The following DDX50 variants were observed in gnomAD, a reference collection of about 807,000 sequenced individuals.
DDX50 encodes DExD-box helicase 50, also known as ATP-dependent RNA helicase DDX50.
A neutral mutation model predicts 94.8 loss-of-function variants in DDX50; 56 were observed. The observed-to-expected ratio is 0.59, with a 90% confidence interval of 0.48 to 0.74. The LOEUF (loss-of-function observed/expected upper bound fraction) is 0.74. Ranked by LOEUF, DDX50 falls within the 30% of genes least tolerant of loss-of-function variation. The pLI, the probability that DDX50 is intolerant of heterozygous loss-of-function variation, is 0.00. For missense variants in DDX50, 713 were observed against 881.2 expected (o/e 0.81, Z 2.42); for synonymous variants, 264 against 295.4 (o/e 0.89, Z 1.09).
intron 2 of DDX50, among the ~76,000 whole-genome samples, chr10:68,907,572 T>C (rs1841497342): frequency 6.6e-6 from 1 of 152,014 alleles, no homozygotes; most frequent in Admixed American, 6.6e-5. Context: ...CTGTCTCGGC[T>C]TCCCAAATTG....
chr10:68,916,733 C>T (rs1413802272), intron 7 of DDX50, among the ~76,000 whole-genome samples: 3 of 152,156 alleles, frequency 2.0e-5, no homozygotes, highest in Non-Finnish European at 4.4e-5. Flanking sequence ...GCCTAGTCTG[C>T]AGTGCAATGG....
chr10:68,925,109 T>G (rs1470590432), intron 8 of DDX50, among the ~76,000 whole-genome samples: 2 of 145,896 alleles, frequency 1.4e-5, no homozygotes, highest in African/African-American at 2.6e-5. Context: ...TTTTTTTTTT[T>G]TTTTTTTTTT....
chr10:68,924,554 TG>T, intron 8 of DDX50, among the ~76,000 whole-genome samples: 1 of 152,316 alleles, frequency 6.6e-6, no homozygotes, highest in East Asian at 1.9e-4. Flanking sequence ...GAACCTTAGA[TG>T]GGAAGGCATT....
chr10:68,908,305 G>A (rs1841519474), intron 2 of DDX50, among the ~76,000 whole-genome samples: 1 of 152,012 alleles, frequency 6.6e-6, no homozygotes, highest in South Asian at 2.1e-4. Flanking sequence ...AAAAAAATTA[G>A]TTGGGTGTGG....
rs1394176811 is a variant in DDX50, at chr10:68,946,058, GAATTT to G, written c.1936-292_1936-288del. On this transcript the variant is annotated intron_variant, in intron 14 of 14. Transcript: ENST00000373585. ...AATAGAATGTATATTTAGAATGTTA[GAATTT>G]ATTTAGAATGTATATTTAGAATGTA... is the stretch of plus-strand genomic sequence containing the variant. Among the ~76,000 whole-genome samples, 9 of 151,842 alleles carry G rather than the reference GAATTT, an allele frequency of 5.9e-5. No individual in the cohort carries two copies. In the South Asian group the frequency reaches 1.0e-3, roughly 18 times the overall value.
chr10:68,909,836 A>G (rs1841573003), intron 2 of DDX50, among the ~76,000 whole-genome samples: 1 of 152,016 alleles, frequency 6.6e-6, no homozygotes, highest in Non-Finnish European at 1.5e-5. Context: ...CTAATTTTGT[A>G]TTGTTAGTAG....
At chr10:68,912,132 T>C (rs900427707) in intron 4 of DDX50, among the ~76,000 whole-genome samples, 10 of 152,204 alleles carry the variant, frequency 6.6e-5, no homozygotes, top group East Asian at 1.9e-4. Flanking sequence ...TGGAGAGTTA[T>C]GTTTTTCGGG....
intron 12 of DDX50, among the ~76,000 whole-genome samples, chr10:68,939,606 A>AG (rs1199010127): frequency 6.6e-6 from 1 of 152,130 alleles, no homozygotes; most frequent in Non-Finnish European, 1.5e-5. Flanking sequence ...CTATTACACA[A>AG]GGCCTTTGTA....
intron 8 of DDX50, among the ~76,000 whole-genome samples, chr10:68,927,654 A>T (rs908044628): frequency 2.0e-4 from 31 of 152,180 alleles, no homozygotes; most frequent in Non-Finnish European, 2.8e-4. Context: ...AAAGTAAATT[A>T]AAAAAATATA....
At chr10:68,918,862 G>GA (rs1163503665) in intron 7 of DDX50, among the ~76,000 whole-genome samples, 1 of 152,212 alleles carries the variant, frequency 6.6e-6, no homozygotes, top group African/African-American at 2.4e-5. Flanking sequence ...CCATATATAT[G>GA]ATGGCATATG....
intron 8 of DDX50, among the ~76,000 whole-genome samples, chr10:68,923,194 A>G (rs1014418082): frequency 3.7e-5 from 5 of 136,738 alleles, no homozygotes; most frequent in Non-Finnish European, 7.6e-5. Context: ...TATTATTTAT[A>G]TATTTAATAT....
Position 68,936,152 on chromosome 10 carries a change from A to G in DDX50, c.1595+73A>G. 5 of 1,225,352 alleles carry G rather than the reference A, an allele frequency of 4.1e-6. No homozygotes were observed. In the South Asian group the frequency reaches 4.1e-5, roughly 10 times the overall value. 75.9% of individuals were successfully genotyped at this position (1,225,352 alleles called of 1,614,324 possible). ...ATTCATCTGTAAGCTCTCCCAGTTC[A>G]AATAGCAGAAAATTTTACCACCAGT... On this transcript the variant is annotated intron_variant, in intron 11 of 14. Coordinates refer to ENST00000373585, the MANE Select transcript of DDX50 (RefSeq NM_024045.2).
At chr10:68,913,352 T>G in intron 5 of DDX50, 39 bp from the exon 6 acceptor site, 1 of 1,603,282 alleles carries the variant, frequency 6.2e-7, no homozygotes, top group Non-Finnish European at 8.5e-7. Context: ...TGTGAAAGTT[T>G]GAATTTTACA....
chr10:68,926,774 TACACACACACACACACACAC>T (rs67773821), intron 8 of DDX50, among the ~76,000 whole-genome samples: 2 of 140,330 alleles, frequency 1.4e-5, no homozygotes, highest in Admixed American at 1.4e-4. Context: ...CACACAGAGA[TACACACACACACACACACAC>T]ACACACACAC....
At chr10:68,906,125 A>G (rs1841437459) in intron 1 of DDX50, 1 of 152,492 alleles carries the variant, frequency 6.6e-6, no homozygotes, top group African/African-American at 2.4e-5. Flanking sequence ...AATGAAGACT[A>G]TAAAGAGCCT....
chr10:68,908,451 C>CAAAAAAAAAAAAA (rs71223162), intron 2 of DDX50, among the ~76,000 whole-genome samples: 1 of 43,704 alleles, frequency 2.3e-5, no homozygotes, highest in African/African-American at 8.9e-5. Context: ...AACTCCATCT[C>CAAAAAAAAAAAAA]AAAAAAAAAA....
At chr10:68,904,043 C>G (rs1371814720) in intron 1 of DDX50, among the ~76,000 whole-genome samples, 1 of 150,544 alleles carries the variant, frequency 6.6e-6, no homozygotes, top group African/African-American at 2.5e-5. Flanking sequence ...ACTCGGGATG[C>G]TAAGGCAGGA....
At position 68,913,291 on chromosome 10, in the gene DDX50, T is replaced by G; in HGVS notation, c.757+12T>G. 6.2e-7 allele frequency: 1 copy of G among 1,607,762 alleles called. No homozygotes were observed. Among genetic ancestry groups the G allele is most frequent in the East Asian group, 2.2e-5 (1 of 44,832 alleles). On this transcript the variant is annotated intron_variant, in intron 5 of 14. Coordinates refer to ENST00000373585, the MANE Select transcript of DDX50 (RefSeq NM_024045.2). The stretch of plus-strand genomic sequence containing the variant: ...ATATCAAAGCCAAAGTGAGTAAATA[T>G]GTTTGATAGACGTGCAAAGGCATAT...
chr10:68,934,065 A>G lies in DDX50; in HGVS notation c.1240-134A>G. On this transcript the variant is annotated intron_variant, in intron 8 of 14. Transcript: ENST00000373585. This position sits in a 1 kb window ranked among gnomAD's most constrained non-coding sequence, Gnocchi z 4.0. ...CTGTCATGTTTGACTTTTTTTTTTT[A>G]CAGTAAGCATGCATTGTTAAAATCA... 1.3e-6 allele frequency: 1 copy of G among 744,308 alleles called. No homozygotes were observed. Among genetic ancestry groups the G allele is most frequent in the Non-Finnish European group, 1.9e-6 (1 of 524,128 alleles). 46.1% of individuals were successfully genotyped at this position (744,308 alleles called of 1,614,324 possible).
Sources: gnomAD v4.1 joint callset for allele counts (sites outside exome capture counted in the v4.1 genomes callset) on GRCh38, gnomAD v4.1.1 for gene constraint, Gnocchi (gnomAD v3.1) non-coding constraint, MANE v1.5 for transcripts, NCBI Gene and HGNC (gene_info 2026-07-23, HGNC 2026-07-21) for gene names.